Variants in SLC39A11 observed in about 807,000 individuals in gnomAD.
The protein encoded by SLC39A11 is solute carrier family 39 member 11.
In SLC39A11, 33 loss-of-function variants were observed where a neutral mutation model predicts 36.1. The observed-to-expected ratio is 0.91, with a 90% CI of 0.69 to 1.22. The LOEUF is 1.22. Among genes scored for constraint, SLC39A11 ranks in the 50% most tolerant of loss-of-function variants. SLC39A11 has a pLI of 0.00. For missense variants in SLC39A11, 432 were observed against 430.3 expected (o/e 1.00, Z -0.03); for synonymous variants, 166 against 170.3 (o/e 0.97, Z 0.20).
chr17:72,801,668 T>C (rs927742068), intron 6 of SLC39A11, among the ~76,000 whole-genome samples: 19 of 152,240 alleles, frequency 1.2e-4, no homozygotes, highest in African/African-American at 9.6e-5. Context: ...AAATTTACTA[T>C]GTATATTGTC....
At chr17:72,966,354 T>C (rs538310366) in intron 4 of SLC39A11, among the ~76,000 whole-genome samples, 2 of 152,262 alleles carry the variant, frequency 1.3e-5, no homozygotes, top group East Asian at 3.9e-4. Flanking sequence ...ACAAAGATTA[T>C]CTGTTGAGAA....
intron 5 of SLC39A11, among the ~76,000 whole-genome samples, chr17:72,943,770 T>C (rs1038649825): frequency 2.0e-5 from 3 of 152,200 alleles, no homozygotes; most frequent in South Asian, 2.1e-4. Context: ...ATAATAATAG[T>C]GATGACAAAG....
chr17:72,980,479 C>A (rs772650846), intron 4 of SLC39A11, among the ~76,000 whole-genome samples: 4 of 152,042 alleles, frequency 2.6e-5, no homozygotes. Context: ...TTTCTGCCTA[C>A]GTTAATGTAG....
intron 4 of SLC39A11, among the ~76,000 whole-genome samples, chr17:72,957,301 T>C (rs988332801): frequency 2.0e-5 from 3 of 152,284 alleles, no homozygotes; most frequent in South Asian, 2.1e-4. Flanking sequence ...ACGGGGAAAT[T>C]TGTGGCTATT....
intron 4 of SLC39A11, among the ~76,000 whole-genome samples, chr17:72,951,273 A>G (rs1007406627): frequency 7.9e-5 from 12 of 151,748 alleles, no homozygotes; most frequent in African/African-American, 2.7e-4. Flanking sequence ...AAAAAAAAAA[A>G]AAAAAGCCAG....
At chr17:72,833,844 G>A (rs1282450895) in intron 6 of SLC39A11, among the ~76,000 whole-genome samples, 5 of 152,094 alleles carry the variant, frequency 3.3e-5, no homozygotes, top group Admixed American at 1.3e-4. Flanking sequence ...ACCCACTTCA[G>A]TCCCCAACTC....
At chr17:72,985,407 CTTT>C (rs386386576) in intron 4 of SLC39A11, among the ~76,000 whole-genome samples, 3 of 78,924 alleles carry the variant, frequency 3.8e-5, no homozygotes, top group African/African-American at 1.6e-4. Context: ...TGGGGCCTGC[CTTT>C]TTTTTTTTTT....
At chr17:73,074,020 C>A (rs1339291232) in intron 3 of SLC39A11, among the ~76,000 whole-genome samples, 1 of 150,574 alleles carries the variant, frequency 6.6e-6, no homozygotes, top group Non-Finnish European at 1.5e-5. Context: ...ACATATCAGG[C>A]TTCCCTACCT....
intron 6 of SLC39A11, among the ~76,000 whole-genome samples, chr17:72,741,848 T>C (rs373408625): frequency 1.3e-5 from 2 of 151,764 alleles, no homozygotes; most frequent in African/African-American, 2.4e-5. Flanking sequence ...TGTGGATCCA[T>C]GTTCAATATT....
intron 6 of SLC39A11, among the ~76,000 whole-genome samples, chr17:72,764,286 G>T (rs2075689818): frequency 6.6e-6 from 1 of 152,122 alleles, no homozygotes; most frequent in Admixed American, 6.6e-5. Flanking sequence ...GCTGTGTGCT[G>T]CTCTGTCCCT....
chr17:72,916,786 C>G (rs965756734), intron 5 of SLC39A11, among the ~76,000 whole-genome samples: 5 of 152,162 alleles, frequency 3.3e-5, no homozygotes, highest in Non-Finnish European at 7.3e-5. Flanking sequence ...GCTTCCCCAT[C>G]TCCCTCCGCA....
chr17:73,005,383 C>T (rs2090124182), intron 4 of SLC39A11, among the ~76,000 whole-genome samples: 1 of 152,300 alleles, frequency 6.6e-6, no homozygotes, highest in East Asian at 1.9e-4. Context: ...TATAAGGGAA[C>T]TGACACGTAT....
intron 5 of SLC39A11, among the ~76,000 whole-genome samples, chr17:72,901,260 A>C (rs2082381940): frequency 6.6e-6 from 1 of 152,210 alleles, no homozygotes; most frequent in Non-Finnish European, 1.5e-5. Flanking sequence ...CTCCAGGAAA[A>C]GGGCTTTGCT....
intron 4 of SLC39A11, among the ~76,000 whole-genome samples, chr17:73,023,036 G>A (rs1260390706): frequency 6.6e-6 from 1 of 152,142 alleles, no homozygotes; most frequent in East Asian, 1.9e-4. Context: ...AAGCTCACAG[G>A]TTTCCTCCCT....
At chr17:72,813,814 G>A (rs1308044871) in intron 6 of SLC39A11, among the ~76,000 whole-genome samples, 1 of 152,216 alleles carries the variant, frequency 6.6e-6, no homozygotes, top group Non-Finnish European at 1.5e-5. Flanking sequence ...GCAGGATGGG[G>A]CAGAGGGAGG....
chr17:72,723,353 T>TGTGTGTGTGTGTGTGTGTGTGTGTGTG (rs1567987031), intron 7 of SLC39A11, among the ~76,000 whole-genome samples: 1 of 148,904 alleles, frequency 6.7e-6, no homozygotes, highest in East Asian at 2.0e-4. Context: ...TGTGTGTGTG[T>TGTGTGTGTGTGTGTGTGTGTGTGTGTG]TTGCAGCCTA....
chr17:72,882,213 A>G (rs1185421919), intron 5 of SLC39A11, among the ~76,000 whole-genome samples: 1 of 152,112 alleles, frequency 6.6e-6, no homozygotes, highest in Non-Finnish European at 1.5e-5. Flanking sequence ...AACTGTAGCC[A>G]GGCATGGTGG....
chr17:72,892,149 G>A (rs965086905), intron 5 of SLC39A11, among the ~76,000 whole-genome samples: 1 of 152,126 alleles, frequency 6.6e-6, no homozygotes, highest in South Asian at 2.1e-4. Flanking sequence ...GGGCGCAGTG[G>A]CTCACACCTG....
At chr17:72,947,339 G>C (rs560113755) in intron 5 of SLC39A11, among the ~76,000 whole-genome samples, 1 of 151,882 alleles carries the variant, frequency 6.6e-6, no homozygotes, top group African/African-American at 2.4e-5. Context: ...ATCCACAGCA[G>C]TCTCCCCAGG....
Sources: allele counts gnomAD v4.1 joint callset (sites outside exome capture counted in the v4.1 genomes callset), GRCh38; gene constraint gnomAD v4.1.1; transcripts MANE v1.5; gene names NCBI Gene and HGNC (gene_info 2026-07-23, HGNC 2026-07-21).